The following OPCML variants were observed in gnomAD, a reference collection of about 807,000 sequenced individuals.
OPCML encodes the protein opioid binding protein/cell adhesion molecule like.
Under a neutral mutation model 37.8 loss-of-function variants are expected in OPCML, and 13 were observed. The observed-to-expected ratio is 0.34, with a 90% CI of 0.22 to 0.55. The LOEUF (loss-of-function observed/expected upper bound fraction) is 0.55. Among genes scored for constraint, OPCML ranks in the 20% least tolerant of loss-of-function variants. The pLI is 0.91. For missense variants in OPCML, 341 were observed against 435.6 expected (o/e 0.78, Z 1.93); for synonymous variants, 176 against 168.8 (o/e 1.04, Z -0.33).
chr11:132,706,062 T>A (rs2135936321), intron 2 of OPCML, among the ~76,000 whole-genome samples: 1 of 152,228 alleles, frequency 6.6e-6, no homozygotes, highest in Middle Eastern at 3.4e-3. Flanking sequence ...CACCTCGGCC[T>A]CCCAAAGTGC....
intron 1 of OPCML, among the ~76,000 whole-genome samples, chr11:133,342,858 C>T (rs762904735): frequency 4.6e-5 from 7 of 152,086 alleles, no homozygotes; most frequent in Non-Finnish European, 1.0e-4. Context: ...TTCATGGAGA[C>T]TTTGCTGAGA....
intron 1 of OPCML, among the ~76,000 whole-genome samples, chr11:133,104,493 A>T (rs1949129375): frequency 6.6e-6 from 1 of 152,156 alleles, no homozygotes; most frequent in African/African-American, 2.4e-5. Context: ...TTTTTTGGGC[A>T]TTTCTCCATT....
chr11:132,575,512 A>G (rs1363251103), intron 3 of OPCML, among the ~76,000 whole-genome samples: 1 of 152,074 alleles, frequency 6.6e-6, no homozygotes, highest in Non-Finnish European at 1.5e-5. Flanking sequence ...AATGACATGT[A>G]AAAACTCTGC....
chr11:132,801,193 A>C (rs1201704099), intron 2 of OPCML, among the ~76,000 whole-genome samples: 1 of 152,172 alleles, frequency 6.6e-6, no homozygotes, highest in African/African-American at 2.4e-5. Flanking sequence ...TATTCATTAT[A>C]GTTTCTTATA....
intron 3 of OPCML, among the ~76,000 whole-genome samples, chr11:132,593,342 G>C (rs763559687): frequency 6.6e-6 from 1 of 152,176 alleles, no homozygotes; most frequent in Non-Finnish European, 1.5e-5. Context: ...CACCTCACTC[G>C]GTTTCCTGTA....
At chr11:132,572,330 C>A (rs1476909686) in intron 3 of OPCML, among the ~76,000 whole-genome samples, 3 of 152,022 alleles carry the variant, frequency 2.0e-5, no homozygotes, top group Admixed American at 6.6e-5. Flanking sequence ...TTGCCAAGAC[C>A]ACTGTCATGA....
At chr11:133,511,360 C>T (rs140697819) in intron 1 of OPCML, among the ~76,000 whole-genome samples, 28 of 152,292 alleles carry the variant, frequency 1.8e-4, no homozygotes, top group African/African-American at 6.7e-4. Flanking sequence ...GAATAAAAGC[C>T]GAACTTCTTA....
chr11:133,338,622 T>C (rs1782635397), intron 1 of OPCML, among the ~76,000 whole-genome samples: 1 of 152,202 alleles, frequency 6.6e-6, no homozygotes, highest in Admixed American at 6.5e-5. Flanking sequence ...GCCACTCTGT[T>C]AGGGCTGAAG....
chr11:133,192,024 T>C (rs553755350), intron 1 of OPCML, among the ~76,000 whole-genome samples: 1 of 152,328 alleles, frequency 6.6e-6, no homozygotes, highest in Admixed American at 6.5e-5. Flanking sequence ...GATAGATTCT[T>C]TCTAGATAGG....
chr11:133,128,203 T>C (rs1242144942), intron 1 of OPCML, among the ~76,000 whole-genome samples: 3 of 152,092 alleles, frequency 2.0e-5, no homozygotes, highest in African/African-American at 7.2e-5. Context: ...AAGGAACTAA[T>C]GAAGAGTGCC....
At chr11:132,781,556 A>G (rs991938501) in intron 2 of OPCML, among the ~76,000 whole-genome samples, 2 of 151,110 alleles carry the variant, frequency 1.3e-5, no homozygotes, top group Non-Finnish European at 2.9e-5. Context: ...TATAATAAAT[A>G]TATGTGGGGG....
chr11:132,576,388 T>C (rs1320382244), intron 3 of OPCML, among the ~76,000 whole-genome samples: 1 of 151,394 alleles, frequency 6.6e-6, no homozygotes, highest in Non-Finnish European at 1.5e-5. Flanking sequence ...TGCAAATCCT[T>C]TTTTTTTTCT....
intron 2 of OPCML, among the ~76,000 whole-genome samples, chr11:132,744,172 C>T (rs544396743): frequency 4.6e-5 from 7 of 152,138 alleles, no homozygotes; most frequent in African/African-American, 4.8e-5. Context: ...ACAGAAAATA[C>T]GTGCCTATGT....
At chr11:132,789,027 C>T (rs34783971) in intron 2 of OPCML, among the ~76,000 whole-genome samples, 13,833 of 151,086 alleles carry the variant, frequency 0.092, 689 homozygotes, top group African/African-American at 0.11. Flanking sequence ...CCAGCCATGT[C>T]GGCTTCATTC....
At chr11:133,113,968 C>G (rs923801674) in intron 1 of OPCML, among the ~76,000 whole-genome samples, 2 of 152,174 alleles carry the variant, frequency 1.3e-5, no homozygotes, top group African/African-American at 4.8e-5. Context: ...GAAAACTTGG[C>G]CTCATGCTTG....
intron 4 of OPCML, among the ~76,000 whole-genome samples, chr11:132,483,692 C>G: frequency 6.6e-6 from 1 of 152,060 alleles, no homozygotes; most frequent in East Asian, 1.9e-4. Context: ...GTAACCAAAA[C>G]AGCATGGTAC....
At chr11:133,355,127 A>G (rs1410447387) in intron 1 of OPCML, among the ~76,000 whole-genome samples, 2 of 152,246 alleles carry the variant, frequency 1.3e-5, no homozygotes, top group African/African-American at 4.8e-5. Context: ...AAGGGCTTTC[A>G]GTTAACTGAC....
chr11:132,638,190 GA>G (rs1940642383), intron 3 of OPCML, among the ~76,000 whole-genome samples: 1 of 82,636 alleles, frequency 1.2e-5, no homozygotes, highest in Non-Finnish European at 2.9e-5. Context: ...TATATATACA[GA>G]GAGAGAGAGA....
At chr11:133,340,612 G>C (rs1190518464) in intron 1 of OPCML, among the ~76,000 whole-genome samples, 1,476 of 60,182 alleles carry the variant, frequency 0.025, 19 homozygotes, top group African/African-American at 0.098. Context: ...CTCTCTCTGT[G>C]TGTGTGTGTG....
Sources: allele counts gnomAD v4.1 joint callset (sites outside exome capture counted in the v4.1 genomes callset), GRCh38; gene constraint gnomAD v4.1.1; transcripts MANE v1.5; gene names NCBI Gene and HGNC (gene_info 2026-07-23, HGNC 2026-07-21).